Variants in SUSD3 observed in about 807,000 individuals in gnomAD.
SUSD3 encodes sushi domain-containing protein 3.
In SUSD3, 18 loss-of-function variants were observed where a neutral mutation model predicts 20.6. The ratio of observed to expected loss-of-function variants is 0.87; its 90% CI spans 0.60 to 1.30. The LOEUF (loss-of-function observed/expected upper bound fraction) is 1.30, where lower values mean the gene tolerates loss of function less well. SUSD3 is among the 50% of genes most tolerant of loss of function. The pLI, the probability that SUSD3 is intolerant of heterozygous loss-of-function variation, is 0.00. For missense variants in SUSD3, 306 were observed against 346.9 expected (o/e 0.88, Z 0.94); for synonymous variants, 137 against 141.5 (o/e 0.97, Z 0.23).
chr9:93,080,525 G>A lies in SUSD3; in HGVS notation c.557+923G>A, dbSNP rs1482025918. ...GTCGCATGCAGAGGCTCCTGTCTGC[G>A]TCTGTCTGGTGTTTCTGTGTGACCA... is the stretch of plus-strand genomic sequence containing the variant. On this transcript the variant is annotated intron_variant, in intron 4 of 4. Transcript: ENST00000375472. Among the ~76,000 whole-genome samples the A allele has an allele frequency of 7.2e-5, 11 of 152,182 alleles. 1 individual carries two copies. Among genetic ancestry groups the A allele is most frequent in the South Asian group, 4.1e-4 (2 of 4,832 alleles).
intron 1 of SUSD3, among the ~76,000 whole-genome samples, chr9:93,073,920 C>T (rs893373858): frequency 6.6e-6 from 1 of 152,254 alleles, no homozygotes; most frequent in Non-Finnish European, 1.5e-5. Flanking sequence ...GCATAAGAGC[C>T]GTGTGACTGC....
intron 1 of SUSD3, among the ~76,000 whole-genome samples, chr9:93,064,102 A>G (rs10821061): frequency 0.093 from 14,173 of 152,060 alleles, 717 homozygotes; most frequent in African/African-American, 0.12. Context: ...AGGCTAGAGT[A>G]CAGTGCCGTG....
intron 4 of SUSD3, among the ~76,000 whole-genome samples, chr9:93,083,529 C>A: frequency 6.6e-6 from 1 of 152,248 alleles, no homozygotes. Context: ...GTGCCAGGCA[C>A]TGTTCTGAAC....
At chr9:93,078,138 C>T (rs1242923509) in intron 3 of SUSD3, 145 bp downstream of exon 3, 4 of 1,135,630 alleles carry the variant, frequency 3.5e-6, no homozygotes, top group East Asian at 2.5e-5. Context: ...GCCTGCGTCT[C>T]CCCCCCAAGT....
chr9:93,059,136 C>T (rs943146729), intron 1 of SUSD3, among the ~76,000 whole-genome samples: 14 of 152,110 alleles, frequency 9.2e-5, no homozygotes, highest in African/African-American at 3.1e-4. Context: ...CCTCTCCACG[C>T]CGCAGGCTCC....
chr9:93,075,788 G>A lies in SUSD3; in HGVS notation c.93G>A (p.Thr31=), dbSNP rs1131768. ...CATACCTGCCTGTCTCCCCAGGCACGTGCGCTAAGCTGCGGCTACCCCCGC... is the reference window on the plus strand; with the variant it reads ...CATACCTGCCTGTCTCCCCAGGCACATGCGCTAAGCTGCGGCTACCCCCGC... ...TTPAPGNRTG[T]CAKLRLPPQA... is the part of the protein sequence containing the mutation. Residue 31 remains threonine (T), a synonymous_variant, in exon 2 of 5, where the codon ACG becomes ACA. Coordinates refer to ENST00000375472, the MANE Select transcript of SUSD3 (RefSeq NM_145006.4). 87 of 1,442,956 alleles carry A rather than the reference G, an allele frequency of 6.0e-5. No homozygotes were observed. Among genetic ancestry groups the A allele is most frequent in the East Asian group, 1.8e-4 (6 of 32,798 alleles). 89.4% of individuals were successfully genotyped at this position (1,442,956 alleles called of 1,614,324 possible). A position where few individuals can be genotyped will look rare whatever the true frequency, so the allele number is the denominator to read the frequency against.
At chr9:93,059,066 G>T (rs959350530) in intron 1 of SUSD3, among the ~76,000 whole-genome samples, 1 of 152,186 alleles carries the variant, frequency 6.6e-6, no homozygotes, top group African/African-American at 2.4e-5. Context: ...CCGCGCGCCC[G>T]TTCCCGAGTG....
intron 1 of SUSD3, among the ~76,000 whole-genome samples, chr9:93,059,360 G>C (rs1825417925): frequency 6.6e-6 from 1 of 152,234 alleles, no homozygotes; most frequent in African/African-American, 2.4e-5. Flanking sequence ...CTGTAGCCAG[G>C]CTTGGGATCG....
intron 1 of SUSD3, among the ~76,000 whole-genome samples, chr9:93,069,896 C>T (rs898498361): frequency 6.6e-6 from 1 of 152,024 alleles, no homozygotes; most frequent in African/African-American, 2.4e-5. Flanking sequence ...TCTCCTGCCT[C>T]AGCCTCCCAA....
intron 1 of SUSD3, among the ~76,000 whole-genome samples, chr9:93,073,965 C>T (rs952550651): frequency 1.3e-5 from 2 of 152,200 alleles, no homozygotes; most frequent in Non-Finnish European, 2.9e-5. Flanking sequence ...CCAGTTTGCT[C>T]ATCTGTCGAT....
chr9:93,084,637 T>A lies in SUSD3; in HGVS notation c.658T>A (p.Ser220Thr), dbSNP rs1354191314. 1.9e-6 allele frequency: 3 copies of A among 1,609,376 alleles called. No individual in the cohort carries two copies. Among genetic ancestry groups the A allele is most frequent in the African/African-American group, 2.7e-5 (2 of 74,804 alleles). Reference protein sequence around the residue: ...RALSLSGSSSSPQAQVMVHMA... With the variant: ...RALSLSGSSSTPQAQVMVHMA... The stretch of plus-strand genomic sequence containing the variant: ...TCTAAGCCTCAGTGGCTCCTCCAGC[T>A]CACCCCAAGCCCAGGTGATGGTGCA... Residue 220 changes from serine to threonine, a missense_variant, in exon 5 of 5, where the codon TCA becomes ACA. Coordinates refer to ENST00000375472, the MANE Select transcript of SUSD3 (RefSeq NM_145006.4).
At chr9:93,075,735 T>TTCCCCCCCCCCCCCCCCCC in intron 1 of SUSD3, 49 bp from the exon 2 acceptor site, 12 of 247,426 alleles carry the variant, frequency 4.8e-5, no homozygotes, top group South Asian at 9.3e-5. Context: ...CTGCCCTGCG[T>TTCCCCCCCCCCCCCCCCCC]GCCCACCCCC....
chr9:93,065,622 G>T (rs1429496410), intron 1 of SUSD3, among the ~76,000 whole-genome samples: 1 of 152,228 alleles, frequency 6.6e-6, no homozygotes, highest in East Asian at 1.9e-4. Context: ...GCCCGTGGCT[G>T]CCCTGCTGTG....
At chr9:93,060,231 C>T (rs1006760732) in intron 1 of SUSD3, among the ~76,000 whole-genome samples, 3 of 152,204 alleles carry the variant, frequency 2.0e-5, no homozygotes, top group Admixed American at 1.3e-4. Context: ...ACCACCATGA[C>T]CACTTCCCAG....
At chr9:93,064,734 GT>G (rs1335768358) in intron 1 of SUSD3, among the ~76,000 whole-genome samples, 1 of 152,226 alleles carries the variant, frequency 6.6e-6, no homozygotes, top group African/African-American at 2.4e-5. Flanking sequence ...GAAGTCAGCT[GT>G]GGAGGTGGCC....
intron 4 of SUSD3, among the ~76,000 whole-genome samples, chr9:93,080,335 A>C (rs1040235295): frequency 2.6e-5 from 4 of 151,544 alleles, no homozygotes; most frequent in African/African-American, 4.9e-5. Context: ...AAAAAAAAAA[A>C]AAAAACAAAA....
At chr9:93,082,783 A>C (rs576704713) in intron 4 of SUSD3, among the ~76,000 whole-genome samples, 1 of 152,284 alleles carries the variant, frequency 6.6e-6, no homozygotes, top group South Asian at 2.1e-4. Flanking sequence ...ATAACTGGGA[A>C]AGTGCCCATG....
intron 2 of SUSD3, among the ~76,000 whole-genome samples, chr9:93,077,359 G>A (rs934809500): frequency 1.3e-5 from 2 of 151,918 alleles, no homozygotes; most frequent in Middle Eastern, 3.2e-3. Flanking sequence ...CCTCTCTGTG[G>A]CCCACCCTTC....
In SUSD3 at chr9:93,074,946, A is replaced by G. The variant is rs556563250; in HGVS notation, c.89-838A>G. Among the ~76,000 whole-genome samples, 384 of 152,254 alleles carry G rather than the reference A, an allele frequency of 2.5e-3. 1 individual carries two copies. Among genetic ancestry groups the G allele is most frequent in the African/African-American group, 9.0e-3 (372 of 41,526 alleles). ...TTATTTCCTGTGGCTAAAGGTTCAT[A>G]TGCAACATAGGGTGCTTATTGCATT... is the stretch of plus-strand genomic sequence containing the variant. On this transcript the variant is annotated intron_variant, in intron 1 of 4. Transcript: ENST00000375472.
Sources: allele counts gnomAD v4.1 joint callset (sites outside exome capture counted in the v4.1 genomes callset), GRCh38; gene constraint gnomAD v4.1.1; transcripts MANE v1.5; gene names NCBI Gene and HGNC (gene_info 2026-07-23, HGNC 2026-07-21).